Variants in LRRC53 observed in about 807,000 individuals in gnomAD.
LRRC53 encodes leucine rich repeat containing 53.
Under a neutral mutation model 13.6 loss-of-function variants are expected in LRRC53, and 25 were observed. That is an observed-to-expected ratio of 1.83 (90% CI 1.34 to 2.56). The LOEUF (loss-of-function observed/expected upper bound fraction) is 2.56. Among genes scored for constraint, LRRC53 ranks in the 30% most tolerant of loss-of-function variants. The pLI, the probability that LRRC53 is intolerant of heterozygous loss-of-function variation, is 0.00. For synonymous variants in LRRC53, 204 were observed against 109.8 expected (o/e 1.86, Z -5.37); for missense variants, 527 against 275.8 (o/e 1.91, Z -6.45).
intron 1 of LRRC53, among the ~76,000 whole-genome samples, chr1:74,485,457 G>A (rs543387207): frequency 2.0e-5 from 3 of 152,246 alleles, no homozygotes; most frequent in African/African-American, 7.2e-5. Context: ...CTTTTTCCAG[G>A]ATCTCCTCTC....
At chr1:74,513,210 G>A (rs1270504977), upstream of LRRC53, among the ~76,000 whole-genome samples, 9 of 152,144 alleles carry the variant, frequency 5.9e-5, no homozygotes, top group East Asian at 9.6e-4. Context: ...TGACCCAGAG[G>A]TCCACGTGTG....
Position 74,470,349 on chromosome 1 carries a change from C to G in LRRC53, c.3273G>C (p.Lys1091Asn). 5.0e-6 allele frequency: 2 copies of G among 400,632 alleles called. No individual in the cohort carries two copies. Among genetic ancestry groups the G allele is most frequent in the Non-Finnish European group, 8.8e-6 (2 of 226,136 alleles). The allele number at this position is 400,632 out of a possible 1,614,324, so 24.8% of individuals were successfully genotyped here. A position where few individuals can be genotyped will look rare whatever the true frequency, so the allele number is the denominator to read the frequency against. ...KEEKNMLDES[K>N]TDSSMLTQIS... ...TCTGAGTTAACATACTAGAATCTGT[C>G]TTGCTTTCATCAAGCATATTTTTCT... Residue 1091 changes from lysine (K) to asparagine (N), a missense_variant, in exon 5 of 5, where the codon AAG becomes AAC. Physicochemically the swap from Lys to Asn is moderately conservative, Grantham distance 94. Transcript: ENST00000294635.
Position 74,475,642 on chromosome 1 carries a change from A to G in LRRC53, c.1073T>C (p.Leu358Ser). The part of the protein sequence containing the change: ...YHTKGYCNCH[L>S]TQENEIKVMS... Reference sequence around the variant, plus strand: ...GACCTTTATCTCGTTTTCCTGAGTTAAGTGGCAGTTGCAGTATCCCTTAGT... The same window carrying G: ...GACCTTTATCTCGTTTTCCTGAGTTGAGTGGCAGTTGCAGTATCCCTTAGT... Residue 358 changes from leucine to serine, a missense_variant, in exon 4 of 5, where the codon TTA becomes TCA. Transcript: ENST00000294635. The G allele has an allele frequency of 1.4e-6, 1 of 717,166 alleles. No individual in the cohort carries two copies. Among genetic ancestry groups the G allele is most frequent in the Non-Finnish European group, 2.6e-6 (1 of 384,890 alleles). The allele number at this position is 717,166 out of a possible 1,614,324, so 44.4% of individuals were successfully genotyped here.
At chr1:74,513,195 C>T (rs1237339379), upstream of LRRC53, among the ~76,000 whole-genome samples, 1 of 152,138 alleles carries the variant, frequency 6.6e-6, no homozygotes. Context: ...GAGAAAGAGT[C>T]CGAATGACCC....
At chr1:74,491,641 G>A (rs274604) in intron 1 of LRRC53, among the ~76,000 whole-genome samples, 70,831 of 151,904 alleles carry the variant, frequency 0.47, 17,573 homozygotes, top group East Asian at 0.67. Context: ...AGCATTTTTC[G>A]TCTTATAAAA....
At chr1:74,495,259 C>T (rs1002991436) in intron 1 of LRRC53, among the ~76,000 whole-genome samples, 1 of 152,166 alleles carries the variant, frequency 6.6e-6, no homozygotes, top group African/African-American at 2.4e-5. Flanking sequence ...ACCATTCCTC[C>T]GAGTAAGCTC....
the LRRC53 span, among the ~76,000 whole-genome samples, chr1:74,527,663 A>G: frequency 6.6e-6 from 1 of 152,190 alleles, no homozygotes; most frequent in African/African-American, 2.4e-5. Flanking sequence ...TAGGGTGTTG[A>G]TCTACATGTG....
At chr1:74,518,567 A>C in the LRRC53 span, among the ~76,000 whole-genome samples, 13 of 152,264 alleles carry the variant, frequency 8.5e-5, no homozygotes, top group Non-Finnish European at 1.8e-4. Flanking sequence ...AGTGGATTCT[A>C]CTAATCGTGA....
chr1:74,500,858 T>C (rs1669589578), intron 1 of LRRC53, among the ~76,000 whole-genome samples: 1 of 152,006 alleles, frequency 6.6e-6, no homozygotes, highest in Non-Finnish European at 1.5e-5. Context: ...GTTATTTCTT[T>C]TGTTTTTAAT....
the LRRC53 span, among the ~76,000 whole-genome samples, chr1:74,524,857 C>T: frequency 1.3e-5 from 2 of 152,064 alleles, no homozygotes; most frequent in African/African-American, 4.8e-5. Flanking sequence ...GAGATGCATG[C>T]CACTGCAGGG....
rs1570689612 is a variant in LRRC53 at position 74,488,363 on chromosome 1, A to G, written c.-26-4988T>C. 2.6e-5 allele frequency among the ~76,000 whole-genome samples: 4 copies of G among 152,300 alleles called. No homozygotes were observed. In the South Asian group the frequency reaches 8.3e-4, roughly 32 times the overall value. On this transcript the variant is annotated intron_variant, in intron 1 of 4. Transcript: ENST00000294635. ...GTTCTCAGGGGTGGGCTAGATAGTA[A>G]GGGAGAAATTGTTCTACTAAGAATC... is the stretch of plus-strand genomic sequence containing the variant.
rs1668175442 is a variant in LRRC53 at position 74,475,773 on chromosome 1, A to G, written c.942T>C (p.Phe314=). 2 of 632,252 alleles carry G rather than the reference A, an allele frequency of 3.2e-6. No individual in the cohort carries two copies. Among genetic ancestry groups the G allele is most frequent in the Non-Finnish European group, 5.8e-6 (2 of 345,472 alleles). 39.2% of individuals were successfully genotyped at this position (632,252 alleles called of 1,614,324 possible). The change falls in exon 4 of 5, where the codon TTT becomes TTC. Residue 314 remains phenylalanine (F), a synonymous_variant. Transcript: ENST00000294635. ...VGLTCLGLVV[F]NWKLHQGKAN... is the part of the protein sequence containing the mutation. ...CTTTGCCTTGGTGGAGTTTCCAGTTAAATACAACTAAACCTAGGCAAGTGA... is the reference window on the plus strand; with the variant it reads ...CTTTGCCTTGGTGGAGTTTCCAGTTGAATACAACTAAACCTAGGCAAGTGA...
chr1:74,485,059 G>A (rs1668685015), intron 1 of LRRC53, among the ~76,000 whole-genome samples: 1 of 152,282 alleles, frequency 6.6e-6, no homozygotes, highest in South Asian at 2.1e-4. Context: ...CTGATGGAAT[G>A]TGCTAGGTGT....
intron 1 of LRRC53, among the ~76,000 whole-genome samples, chr1:74,498,680 C>T (rs1369094219): frequency 1.3e-5 from 2 of 152,018 alleles, no homozygotes; most frequent in African/African-American, 4.8e-5. Context: ...AATATATTCT[C>T]ATCCAAAAAT....
intron 1 of LRRC53, among the ~76,000 whole-genome samples, chr1:74,491,475 C>A (rs929651725): frequency 6.6e-6 from 1 of 151,900 alleles, no homozygotes; most frequent in Non-Finnish European, 1.5e-5. Context: ...CTCTTGACCT[C>A]ATGATCCGCT....
At chr1:74,491,323 G>A (rs184474043) in intron 1 of LRRC53, among the ~76,000 whole-genome samples, 85 of 152,260 alleles carry the variant, frequency 5.6e-4, no homozygotes, top group African/African-American at 1.5e-3. Flanking sequence ...AGGTTCAAGC[G>A]ATTCTCCTGC....
chr1:74,536,092 TACATTA>T, the LRRC53 span, among the ~76,000 whole-genome samples: 1 of 152,186 alleles, frequency 6.6e-6, no homozygotes, highest in Admixed American at 6.6e-5. Flanking sequence ...GCCTATAATG[TACATTA>T]ACTCACTAGC....
chr1:74,526,149 G>T, the LRRC53 span, among the ~76,000 whole-genome samples: 1 of 152,196 alleles, frequency 6.6e-6, no homozygotes, highest in Non-Finnish European at 1.5e-5. Flanking sequence ...AGTTTAGGGA[G>T]TTTTAAAACC....
At chr1:74,487,140 G>A (rs1212856530) in intron 1 of LRRC53, among the ~76,000 whole-genome samples, 1 of 152,178 alleles carries the variant, frequency 6.6e-6, no homozygotes, top group Admixed American at 6.5e-5. Context: ...TTGTTTTTAA[G>A]ATAGGAGAAT....
Sources: allele counts gnomAD v4.1 joint callset (sites outside exome capture counted in the v4.1 genomes callset), GRCh38; gene constraint gnomAD v4.1.1; transcripts MANE v1.5; gene names NCBI Gene and HGNC (gene_info 2026-07-23, HGNC 2026-07-21).